PIAS1: variants seen among roughly 807,000 people sequenced by gnomAD.
PIAS1 encodes the protein protein inhibitor of activated STAT 1.
PIAS1 carries 6 observed loss-of-function variants against 71.3 expected under a neutral mutation model. That is an observed-to-expected ratio of 0.08 (90% CI 0.05 to 0.17). PIAS1 has a LOEUF of 0.17. Among genes scored for constraint, PIAS1 ranks in the 10% least tolerant of loss-of-function variants. The pLI is 1.00. For synonymous variants in PIAS1, 303 were observed against 292.9 expected (o/e 1.03, Z -0.35); for missense variants, 555 against 793.6 (o/e 0.70, Z 3.61).
chr15:68,054,517 C>A lies in PIAS1; in HGVS notation c.24+167C>A, dbSNP rs1051395728. On this transcript the variant is annotated intron_variant, in intron 1 of 13. Transcript: ENST00000249636. This position sits in a 1 kb window ranked among gnomAD's most constrained non-coding sequence, Gnocchi z 4.6. ...GGTCTCAGCAGAGGGGGCCCGCCTG[C>A]GGCGGGCCGCGGGCCCCGGGTGCCT... is the stretch of plus-strand genomic sequence containing the variant. 14 of 532,076 alleles carry A rather than the reference C, an allele frequency of 2.6e-5. No homozygotes were observed. The East Asian group carries it at 4.1e-4, about 15-fold the overall frequency. The allele number at this position is 532,076 out of a possible 1,614,324, so 33.0% of individuals were successfully genotyped here.
At chr15:68,169,606 C>T (rs905554244) in intron 8 of PIAS1, among the ~76,000 whole-genome samples, 2 of 151,964 alleles carry the variant, frequency 1.3e-5, no homozygotes, top group African/African-American at 2.4e-5. Context: ...GACTGTTTCT[C>T]AAAAAATACA....
intron 2 of PIAS1, among the ~76,000 whole-genome samples, chr15:68,095,641 C>T (rs1169226459): frequency 1.3e-5 from 2 of 151,642 alleles, no homozygotes; most frequent in Non-Finnish European, 2.9e-5. Flanking sequence ...AGCAATTCTC[C>T]TGCCTCAGCC....
intron 9 of PIAS1, among the ~76,000 whole-genome samples, chr15:68,175,021 G>A (rs1335810768): frequency 6.6e-6 from 1 of 152,004 alleles, no homozygotes; most frequent in Non-Finnish European, 1.5e-5. Flanking sequence ...AAGAAAAATT[G>A]GAAAACACAG....
intron 1 of PIAS1, chr15:68,061,420 T>G (rs888720321): frequency 6.6e-6 from 1 of 152,216 alleles, no homozygotes; most frequent in Non-Finnish European, 1.5e-5. Flanking sequence ...AAAAGAAAAT[T>G]CCCTAGAACC....
intron 8 of PIAS1, 33 bp downstream of exon 8, chr15:68,164,837 G>T: frequency 8.7e-7 from 1 of 1,142,988 alleles, no homozygotes; most frequent in Non-Finnish European, 1.3e-6. Context: ...TTTCCAGAAA[G>T]TTTAACATAC....
intron 1 of PIAS1, among the ~76,000 whole-genome samples, chr15:68,070,806 A>G (rs961869512): frequency 7.2e-5 from 11 of 152,304 alleles, no homozygotes; most frequent in African/African-American, 2.6e-4. Context: ...TTTGAAATAG[A>G]GATGTGGCCT....
At chr15:68,095,599 C>T (rs543693848) in intron 2 of PIAS1, among the ~76,000 whole-genome samples, 117 of 148,618 alleles carry the variant, frequency 7.9e-4, no homozygotes, top group Non-Finnish European at 1.4e-3. Flanking sequence ...GGCATGATCT[C>T]GGCTCACTGC....
intron 8 of PIAS1, among the ~76,000 whole-genome samples, chr15:68,168,653 T>C (rs959847757): frequency 6.6e-6 from 1 of 151,150 alleles, no homozygotes; most frequent in African/African-American, 2.5e-5. Context: ...GTTTTTCAGA[T>C]AATTATTTAG....
intron 1 of PIAS1, chr15:68,055,289 G>T (rs1182961022): frequency 1.3e-5 from 11 of 827,156 alleles, no homozygotes; most frequent in Non-Finnish European, 1.6e-5. Context: ...ACATCTTGCT[G>T]GCCATGTTGA....
rs373563422 is a variant in PIAS1, at chr15:68,057,513, T to C, written c.24+3163T>C. The C allele has an allele frequency of 6.3e-5, 28 of 442,404 alleles. 1 individual carries two copies. Among genetic ancestry groups the C allele is most frequent in the East Asian group, 1.5e-4 (2 of 13,338 alleles). The allele number at this position is 442,404 out of a possible 1,614,324, so 27.4% of individuals were successfully genotyped here. A position where few individuals can be genotyped will look rare whatever the true frequency, so the allele number is the denominator to read the frequency against. ...GTGGGAGAGAAGAAGTCCATCAGCA[T>C]TTTAGTGGAGTAAATAATGAAATTA... is the stretch of plus-strand genomic sequence containing the variant. On this transcript the variant is annotated intron_variant, in intron 1 of 13. Coordinates refer to ENST00000249636, the MANE Select transcript of PIAS1 (RefSeq NM_016166.3).
chr15:68,085,410 G>C (rs1409404781), intron 1 of PIAS1, among the ~76,000 whole-genome samples: 2 of 152,162 alleles, frequency 1.3e-5, no homozygotes, highest in Non-Finnish European at 2.9e-5. Context: ...AAATAAGTTT[G>C]CGAACATAGG....
At chr15:68,060,938 T>A (rs2091952132) in intron 1 of PIAS1, among the ~76,000 whole-genome samples, 1 of 152,254 alleles carries the variant, frequency 6.6e-6, no homozygotes. Context: ...CGCCTTGGCC[T>A]CCCAAAGTTC....
chr15:68,065,736 C>CCT (rs1455747175), intron 1 of PIAS1, among the ~76,000 whole-genome samples: 1 of 99,572 alleles, frequency 1.0e-5, no homozygotes, highest in Non-Finnish European at 1.9e-5. Context: ...GCTTGAAGTA[C>CCT]TTTTTTTTTT....
At chr15:68,101,739 C>CT (rs1318747983) in intron 2 of PIAS1, among the ~76,000 whole-genome samples, 4 of 152,058 alleles carry the variant, frequency 2.6e-5, no homozygotes, top group Non-Finnish European at 4.4e-5. Flanking sequence ...GGTTTCTAGT[C>CT]TAACAACCCC....
chr15:68,104,470 C>T (rs1236754215), intron 2 of PIAS1, among the ~76,000 whole-genome samples: 2 of 152,020 alleles, frequency 1.3e-5, no homozygotes, highest in African/African-American at 4.8e-5. Flanking sequence ...TGTGTCTTGC[C>T]TCTTCTCCTC....
intron 2 of PIAS1, among the ~76,000 whole-genome samples, chr15:68,118,055 A>G (rs2092580302): frequency 6.6e-6 from 1 of 152,118 alleles, no homozygotes; most frequent in African/African-American, 2.4e-5. Flanking sequence ...GGCCAGGTGC[A>G]GTGGCTCACG....
chr15:68,090,927 G>GTGT (rs1555425137), intron 2 of PIAS1, among the ~76,000 whole-genome samples: 106 of 142,854 alleles, frequency 7.4e-4, no homozygotes, highest in African/African-American at 2.7e-3. Flanking sequence ...GTCATTTACG[G>GTGT]GTGTGTGTGT....
chr15:68,146,425 T>A (rs2092808452), intron 5 of PIAS1, 141 bp from the exon 6 acceptor site: 1 of 638,210 alleles, frequency 1.6e-6, no homozygotes, highest in Non-Finnish European at 2.7e-6. Flanking sequence ...ACAAGAAACT[T>A]GTAAATGTTT....
Position 68,086,199 on chromosome 15 carries a change from T to TAG in PIAS1, c.25-106_25-105insGA. The TAG allele has an allele frequency of 5.4e-6, 4 of 745,660 alleles. No individual in the cohort carries two copies. In the South Asian group the frequency reaches 6.2e-5, roughly 11 times the overall value. The allele number at this position is 745,660 out of a possible 1,614,324, so 46.2% of individuals were successfully genotyped here. ...ATAGGATTATAAGTGAGCTGGCCTT[T>TAG]ATTTGCTTAAGTAAACCATAAGAAG... On this transcript the variant is annotated intron_variant, in intron 1 of 13. Transcript: ENST00000249636. This position sits in a 1 kb window ranked among gnomAD's most constrained non-coding sequence, Gnocchi z 7.2.
Sources: allele counts gnomAD v4.1 joint callset (sites outside exome capture counted in the v4.1 genomes callset), GRCh38; gene constraint gnomAD v4.1.1; non-coding constraint Gnocchi (gnomAD v3.1); transcripts MANE v1.5; gene names NCBI Gene and HGNC (gene_info 2026-07-23, HGNC 2026-07-21).